ACYP2: variants seen among roughly 807,000 people sequenced by gnomAD.
The protein encoded by ACYP2 is acylphosphatase 2.
Under a neutral mutation model 11.2 loss-of-function variants are expected in ACYP2, and 12 were observed. That is an observed-to-expected ratio of 1.08 (90% CI 0.69 to 1.74). The LOEUF (loss-of-function observed/expected upper bound fraction) is 1.74. Ranked by LOEUF, ACYP2 falls within the 40% of genes most tolerant of loss-of-function variation. ACYP2 has a pLI of 0.00. For missense variants in ACYP2, 134 were observed against 101.9 expected (o/e 1.31, Z -1.35); for synonymous variants, 43 against 32.2 (o/e 1.33, Z -1.13).
intron 2 of ACYP2, among the ~76,000 whole-genome samples, chr2:54,033,865 T>C (rs992885132): frequency 2.6e-5 from 4 of 152,220 alleles, no homozygotes; most frequent in Non-Finnish European, 4.4e-5. Context: ...CCCTAGATTC[T>C]GAAAAGAGTT....
intron 6 of ACYP2, chr2:54,255,651 T>C: frequency 6.2e-7 from 1 of 1,613,734 alleles, no homozygotes; most frequent in East Asian, 2.2e-5. Flanking sequence ...TTTCTTCGCC[T>C]CCTGGCTTCT....
In ACYP2 at chr2:54,011,918, G is replaced by T. The variant is rs534898009; in HGVS notation, c.62+38108G>T. On this transcript the variant is annotated intron_variant, in intron 2 of 6. Transcript: ENST00000607452. Reference sequence around the variant, plus strand: ...CTTGGAAAGTTTTTTAACTTGAACTGTACCTATGAACATTTCTGATTTAAA... The same window carrying T: ...CTTGGAAAGTTTTTTAACTTGAACTTTACCTATGAACATTTCTGATTTAAA... Among the ~76,000 whole-genome samples the T allele has an allele frequency of 2.3e-4, 35 of 152,196 alleles. No individual in the cohort carries two copies. The East Asian group carries it at 6.4e-3, about 28-fold the overall frequency.
At chr2:54,199,300 T>C (rs149696467) in intron 6 of ACYP2, among the ~76,000 whole-genome samples, 259 of 152,324 alleles carry the variant, frequency 1.7e-3, no homozygotes, top group Non-Finnish European at 3.0e-3. Flanking sequence ...ACATGGGGTC[T>C]TGAGGAACCA....
At chr2:54,117,626 T>C (rs1679890303) in intron 4 of ACYP2, among the ~76,000 whole-genome samples, 1 of 152,198 alleles carries the variant, frequency 6.6e-6, no homozygotes, top group African/African-American at 2.4e-5. Flanking sequence ...TGGGGGTGTT[T>C]ATGGAACCTC....
chr2:54,283,779 A>T (rs1688948921), intron 6 of ACYP2, among the ~76,000 whole-genome samples: 1 of 152,248 alleles, frequency 6.6e-6, no homozygotes, highest in Non-Finnish European at 1.5e-5. Context: ...GAAGCATTTG[A>T]AATGATGATG....
At chr2:54,165,165 C>G (rs919024257) in intron 6 of ACYP2, among the ~76,000 whole-genome samples, 2 of 152,004 alleles carry the variant, frequency 1.3e-5, no homozygotes, top group South Asian at 2.1e-4. Context: ...AGTGAAACAG[C>G]CTTATTTTCT....
At chr2:54,274,129 G>A (rs115413888) in intron 6 of ACYP2, among the ~76,000 whole-genome samples, 1 of 152,174 alleles carries the variant, frequency 6.6e-6, no homozygotes, top group Admixed American at 6.5e-5. Flanking sequence ...GGCTGGGGAA[G>A]CCTCATAATT....
intron 4 of ACYP2, among the ~76,000 whole-genome samples, chr2:54,130,804 GC>G (rs902022841): frequency 6.6e-6 from 1 of 152,116 alleles, no homozygotes; most frequent in African/African-American, 2.4e-5. Context: ...CAAACCTCGG[GC>G]CTTTGAGCAT....
chr2:54,033,381 G>C (rs894649590), intron 2 of ACYP2, among the ~76,000 whole-genome samples: 1 of 142,806 alleles, frequency 7.0e-6, no homozygotes, highest in Non-Finnish European at 1.5e-5. Context: ...TGTGTGTTTT[G>C]TTTTTTTTTT....
rs771317403 is a variant in ACYP2, at chr2:54,255,058, A to G, written c.405-49630A>G. The G allele has an allele frequency of 2.5e-6, 4 of 1,614,158 alleles. No individual in the cohort carries two copies. In the South Asian group the frequency reaches 3.3e-5, roughly 13 times the overall value. Reference sequence around the variant, plus strand: ...GAGGTCCTCTTTAATAATCTGAGCAATCCTGTCGGACTCTGGAAGGCTGTG... The same window carrying G: ...GAGGTCCTCTTTAATAATCTGAGCAGTCCTGTCGGACTCTGGAAGGCTGTG... On this transcript the variant is annotated intron_variant, in intron 6 of 6. Coordinates refer to ENST00000607452, the MANE Select transcript of ACYP2 (RefSeq NM_001320586.2).
At chr2:54,244,451 C>T (rs987973791) in intron 6 of ACYP2, among the ~76,000 whole-genome samples, 1 of 152,174 alleles carries the variant, frequency 6.6e-6, no homozygotes, top group African/African-American at 2.4e-5. Context: ...ATCTGCCTGC[C>T]TCAGCCTCCC....
chr2:54,089,793 A>G (rs1031056597), intron 4 of ACYP2, among the ~76,000 whole-genome samples: 1 of 152,072 alleles, frequency 6.6e-6, no homozygotes, highest in Non-Finnish European at 1.5e-5. Flanking sequence ...TAACATGTTC[A>G]TCAAGTCACT....
chr2:54,201,612 CTTTCTTTCTTTG>C (rs1484051485), intron 6 of ACYP2, among the ~76,000 whole-genome samples: 5 of 77,760 alleles, frequency 6.4e-5, no homozygotes, highest in East Asian at 1.8e-3. Flanking sequence ...TTCTTTCTTT[CTTTCTTTCTTTG>C]TTTCTTTCTT....
intron 4 of ACYP2, among the ~76,000 whole-genome samples, chr2:54,092,848 C>T (rs1273385779): frequency 1.3e-5 from 2 of 152,140 alleles, no homozygotes; most frequent in Non-Finnish European, 2.9e-5. Flanking sequence ...TCTCTGGCTG[C>T]CAGAAGTACT....
At chr2:53,993,621 T>G (rs1173822877) in intron 2 of ACYP2, among the ~76,000 whole-genome samples, 2 of 150,116 alleles carry the variant, frequency 1.3e-5, no homozygotes, top group African/African-American at 4.9e-5. Flanking sequence ...CGCTTGAACC[T>G]GGGAGGCAGA....
rs10192858 is a variant in ACYP2, at chr2:54,218,524, T to C, written c.404+79776T>C. The stretch of plus-strand genomic sequence containing the variant: ...CATTGAAGAGTTGTTTGGTAATTAT[T>C]TTAAAATTTTTATTCATAAAAGTCG... On this transcript the variant is annotated intron_variant, in intron 6 of 6. Coordinates refer to ENST00000607452, the MANE Select transcript of ACYP2 (RefSeq NM_001320586.2). 3.5e-3 allele frequency among the ~76,000 whole-genome samples: 538 copies of C among 152,314 alleles called. 1 individual carries two copies. Among genetic ancestry groups the C allele is most frequent in the African/African-American group, 0.012 (517 of 41,576 alleles).
chr2:54,284,228 G>A (rs1467854342), intron 6 of ACYP2, among the ~76,000 whole-genome samples: 2 of 152,260 alleles, frequency 1.3e-5, no homozygotes, highest in African/African-American at 2.4e-5. Context: ...GCCAAAGCAG[G>A]CTCCATAAAC....
chr2:54,163,274 A>G (rs564564194), intron 6 of ACYP2, among the ~76,000 whole-genome samples: 1 of 152,306 alleles, frequency 6.6e-6, no homozygotes, highest in Admixed American at 6.5e-5. Flanking sequence ...GTATACCTAA[A>G]GTCAGTTTTT....
At chr2:54,037,667 C>G (rs572098061) in intron 2 of ACYP2, among the ~76,000 whole-genome samples, 78 of 152,294 alleles carry the variant, frequency 5.1e-4, no homozygotes, top group African/African-American at 1.8e-3. Context: ...CTCACCCTCC[C>G]AAAGTGCTGG....
Sources: gnomAD v4.1 joint callset for allele counts (sites outside exome capture counted in the v4.1 genomes callset) on GRCh38, gnomAD v4.1.1 for gene constraint, MANE v1.5 for transcripts, NCBI Gene and HGNC (gene_info 2026-07-23, HGNC 2026-07-21) for gene names.